RIGI: variants seen among roughly 807,000 people sequenced by gnomAD.
RIGI encodes the protein antiviral innate immune response receptor RIG-I.
the RIGI span, among the ~76,000 whole-genome samples, chr9:32,481,066 AT>A: frequency 6.6e-6 from 1 of 152,122 alleles, no homozygotes; most frequent in African/African-American, 2.4e-5. Context: ...CAATCACCCA[AT>A]TTTTTCCAAC....
the RIGI span, among the ~76,000 whole-genome samples, chr9:32,524,578 ACT>A: frequency 2.2e-5 from 2 of 90,166 alleles, no homozygotes; most frequent in African/African-American, 8.8e-5. Flanking sequence ...CCTCTCATCG[ACT>A]TTTTTTTGTT....
At chr9:32,510,114 T>C in the RIGI span, among the ~76,000 whole-genome samples, 1 of 152,128 alleles carries the variant, frequency 6.6e-6, no homozygotes, top group Non-Finnish European at 1.5e-5. Context: ...TATGTTTGAT[T>C]GGTGTACCCG....
At chr9:32,515,140 G>A in the RIGI span, among the ~76,000 whole-genome samples, 44 of 152,042 alleles carry the variant, frequency 2.9e-4, no homozygotes, top group African/African-American at 9.6e-4. Context: ...GGTGGCTCAC[G>A]CCTGTAATCC....
At chr9:32,520,317 T>C in the RIGI span, among the ~76,000 whole-genome samples, 1 of 152,168 alleles carries the variant, frequency 6.6e-6, no homozygotes, top group Non-Finnish European at 1.5e-5. Context: ...CAGTAACTAC[T>C]AGGCACCAAA....
At chr9:32,525,648 GTGC>G in the RIGI span, among the ~76,000 whole-genome samples, 1 of 152,188 alleles carries the variant, frequency 6.6e-6, no homozygotes, top group South Asian at 2.1e-4. Flanking sequence ...ACCGCACTTT[GTGC>G]TCAGTACTGT....
At chr9:32,498,664 G>A in the RIGI span, among the ~76,000 whole-genome samples, 3 of 152,118 alleles carry the variant, frequency 2.0e-5, no homozygotes, top group Non-Finnish European at 4.4e-5. Context: ...AGGAACATAT[G>A]TGAACCTACT....
chr9:32,478,041 G>A, the RIGI span, among the ~76,000 whole-genome samples: 1 of 151,364 alleles, frequency 6.6e-6, no homozygotes, highest in South Asian at 2.1e-4. Flanking sequence ...TGTTTTATCG[G>A]TTTTTGTTTT....
chr9:32,512,453 A>T, the RIGI span, among the ~76,000 whole-genome samples: 1 of 152,234 alleles, frequency 6.6e-6, no homozygotes, highest in Non-Finnish European at 1.5e-5. Context: ...CATAAACAGA[A>T]CTAATGACAA....
chr9:32,457,366 C>T, the RIGI span: 1 of 1,613,818 alleles, frequency 6.2e-7, no homozygotes, highest in Non-Finnish European at 8.5e-7. Context: ...GGGATGTGGT[C>T]TACTCACAAA....
the RIGI span, among the ~76,000 whole-genome samples, chr9:32,475,925 C>G: frequency 6.6e-6 from 1 of 152,084 alleles, no homozygotes; most frequent in Non-Finnish European, 1.5e-5. Flanking sequence ...ACATTTCTGA[C>G]AGAGGACTTT....
chr9:32,521,010 G>A, the RIGI span, among the ~76,000 whole-genome samples: 1 of 151,590 alleles, frequency 6.6e-6, no homozygotes, highest in Non-Finnish European at 1.5e-5. Context: ...GCCAAGTGTG[G>A]TGGCATGGCC....
the RIGI span, among the ~76,000 whole-genome samples, chr9:32,525,361 T>C: frequency 1.4e-3 from 215 of 152,346 alleles, no homozygotes; most frequent in African/African-American, 4.9e-3. Context: ...GATTACAGCG[T>C]GAGGGACCAC....
chr9:32,486,622 GA>G, the RIGI span, among the ~76,000 whole-genome samples: 247 of 133,452 alleles, frequency 1.9e-3, 1 homozygote, highest in South Asian at 8.0e-3. Context: ...CAAAGAAAAA[GA>G]AAAAAAAAAA....
At chr9:32,490,211 CA>C in the RIGI span, among the ~76,000 whole-genome samples, 5 of 151,672 alleles carry the variant, frequency 3.3e-5, no homozygotes, top group African/African-American at 1.2e-4. Flanking sequence ...CCCACCTCTC[CA>C]AAAAAAATAC....
the RIGI span, among the ~76,000 whole-genome samples, chr9:32,492,733 CT>C: frequency 1.3e-5 from 2 of 152,262 alleles, no homozygotes; most frequent in African/African-American, 2.4e-5. Flanking sequence ...CATCTTTGTC[CT>C]TTACACATGA....
the RIGI span, among the ~76,000 whole-genome samples, chr9:32,495,785 G>A: frequency 1.5e-4 from 22 of 149,900 alleles, no homozygotes; most frequent in Middle Eastern, 3.4e-3. Context: ...ACAGCCTCCC[G>A]AGTAGCTGGG....
the RIGI span, among the ~76,000 whole-genome samples, chr9:32,473,406 C>T: frequency 6.6e-6 from 1 of 151,232 alleles, no homozygotes. Flanking sequence ...TTTGCCTCAG[C>T]CTCCCGAGTA....
the RIGI span, among the ~76,000 whole-genome samples, chr9:32,482,211 G>GTT: frequency 8.5e-5 from 13 of 152,118 alleles, no homozygotes; most frequent in African/African-American, 3.1e-4. Context: ...GTGTGTGTGT[G>GTT]TGTGTTTGAT....
the RIGI span, chr9:32,481,385 C>G: frequency 5.6e-6 from 9 of 1,613,734 alleles, no homozygotes; most frequent in Non-Finnish European, 7.6e-6. Context: ...AAATCCTGCT[C>G]TCTTCATCTT....
Sources: allele counts gnomAD v4.1 joint callset (sites outside exome capture counted in the v4.1 genomes callset), GRCh38; gene constraint gnomAD v4.1.1; transcripts MANE v1.5; gene names NCBI Gene and HGNC (gene_info 2026-07-23, HGNC 2026-07-21).